Variants in MAPRE2 observed in about 807,000 individuals in gnomAD.
The protein encoded by MAPRE2 is microtubule-associated protein RP/EB family member 2.
Under a neutral mutation model 43.2 loss-of-function variants are expected in MAPRE2, and 13 were observed. The observed-to-expected ratio is 0.30, with a 90% confidence interval of 0.20 to 0.48. The LOEUF is 0.48. Among genes scored for constraint, MAPRE2 ranks in the 20% least tolerant of loss-of-function variants. The probability of loss-of-function intolerance (pLI) is 0.99; values close to 1 mark genes in which losing one functional copy is unlikely to be tolerated. For missense variants in MAPRE2, 161 were observed against 400.2 expected, an observed-to-expected ratio of 0.40 and a Z score of 5.10; for synonymous variants, 135 against 148.8, an observed-to-expected ratio of 0.91 and a Z score of 0.68.
intron 4 of MAPRE2, among the ~76,000 whole-genome samples, chr18:35,122,887 A>T (rs1479925978): frequency 6.6e-6 from 1 of 152,242 alleles, no homozygotes; most frequent in Non-Finnish European, 1.5e-5. Context: ...CAAGCCACAC[A>T]GGCAGGTTGA....
At chr18:35,046,419 G>C (rs944478359) in intron 1 of MAPRE2, among the ~76,000 whole-genome samples, 2 of 152,216 alleles carry the variant, frequency 1.3e-5, no homozygotes, top group African/African-American at 4.8e-5. Flanking sequence ...TGTGCTGTAG[G>C]AAGCTAAAAG....
intron 2 of MAPRE2, among the ~76,000 whole-genome samples, chr18:35,036,407 A>C (rs2097050621): frequency 1.3e-5 from 2 of 152,058 alleles, no homozygotes. Flanking sequence ...TGTCACCGTA[A>C]ATTTCCCTTC....
intron 1 of MAPRE2, among the ~76,000 whole-genome samples, chr18:35,053,418 A>G (rs913109890): frequency 1.3e-5 from 2 of 152,110 alleles, no homozygotes; most frequent in African/African-American, 4.8e-5. Context: ...AAAAATAAAA[A>G]AACAGTATTT....
intron 5 of MAPRE2, 92 bp downstream of exon 5, chr18:35,127,179 G>A: frequency 1.6e-6 from 2 of 1,281,692 alleles, no homozygotes; most frequent in Admixed American, 4.3e-5. Context: ...GTAAGGGAGG[G>A]AAGGGTAAGG....
At chr18:35,074,508 C>A (rs1313485935) in intron 2 of MAPRE2, among the ~76,000 whole-genome samples, 2 of 152,124 alleles carry the variant, frequency 1.3e-5, no homozygotes, top group Admixed American at 6.5e-5. Flanking sequence ...GAAAGTACAT[C>A]TTTTCCTTGA....
Position 35,076,720 on chromosome 18 carries a change from G to A in MAPRE2, c.250+6398G>A, listed in dbSNP as rs552725243. 2.0e-5 allele frequency among the ~76,000 whole-genome samples: 3 copies of A among 152,332 alleles called. 1 individual carries two copies. In the South Asian group the frequency reaches 6.2e-4, roughly 32 times the overall value. ...TTTTCTTGATGATCTCATCACATGAGTATGTGAGAATTGTTATTACTCTAC... is the reference window on the plus strand; with the variant it reads ...TTTTCTTGATGATCTCATCACATGAATATGTGAGAATTGTTATTACTCTAC... On this transcript the variant is annotated intron_variant, in intron 2 of 6. Coordinates refer to ENST00000300249, the MANE Select transcript of MAPRE2 (RefSeq NM_014268.4).
At chr18:35,110,764 A>G (rs1569007679) in intron 4 of MAPRE2, among the ~76,000 whole-genome samples, 1 of 152,146 alleles carries the variant, frequency 6.6e-6, no homozygotes, top group Non-Finnish European at 1.5e-5. Flanking sequence ...TTTTGCCTGT[A>G]AGCACTTTAA....
rs759634302 is a variant in MAPRE2 at position 35,052,390 on chromosome 18, C to T, written c.122+10729C>T. ...TTTAAGATTCATCCATATGGGATGT[C>T]TCAGTAGTTCATCACTCTTTATTGC... On this transcript the variant is annotated intron_variant, in intron 1 of 6. Coordinates refer to ENST00000300249, the MANE Select transcript of MAPRE2 (RefSeq NM_014268.4). Among the ~76,000 whole-genome samples the T allele has an allele frequency of 1.2e-4, 18 of 152,302 alleles. 1 individual carries two copies. Among genetic ancestry groups the T allele is most frequent in the South Asian group, 8.3e-4 (4 of 4,828 alleles).
intron 2 of MAPRE2, among the ~76,000 whole-genome samples, chr18:35,016,540 T>C (rs563544587): frequency 6.6e-6 from 1 of 152,282 alleles, no homozygotes; most frequent in South Asian, 2.1e-4. Context: ...GGTTTTGATT[T>C]GCATTTCTCT....
intron 1 of MAPRE2, among the ~76,000 whole-genome samples, chr18:34,989,924 C>A (rs1008469257): frequency 4.6e-5 from 7 of 152,156 alleles, no homozygotes; most frequent in Non-Finnish European, 5.9e-5. Context: ...TAACCATGGT[C>A]TCCACCCATC....
At chr18:34,977,766 C>G (rs144369620) in intron 1 of MAPRE2, among the ~76,000 whole-genome samples, 1 of 152,142 alleles carries the variant, frequency 6.6e-6, no homozygotes, top group African/African-American at 2.4e-5. Flanking sequence ...GCCCCGGGAG[C>G]GCAGGGCGAG....
intron 2 of MAPRE2, among the ~76,000 whole-genome samples, chr18:35,075,374 C>G (rs1907298998): frequency 6.6e-6 from 1 of 152,308 alleles, no homozygotes; most frequent in South Asian, 2.1e-4. Context: ...TGTGCCTCCT[C>G]TCTTCCATCC....
chr18:35,007,491 C>T (rs538991216), intron 2 of MAPRE2, among the ~76,000 whole-genome samples: 31 of 152,214 alleles, frequency 2.0e-4, no homozygotes, highest in Non-Finnish European at 4.3e-4. Flanking sequence ...AAGTCTCAGT[C>T]TAAACTGTTC....
chr18:34,978,455 G>T (rs975280968), intron 1 of MAPRE2: 11 of 1,478,740 alleles, frequency 7.4e-6, no homozygotes, highest in Non-Finnish European at 9.3e-6. Context: ...GTGGTCAGAC[G>T]CAGCACCTAC....
At chr18:35,098,011 A>G (rs1480474533) in intron 3 of MAPRE2, among the ~76,000 whole-genome samples, 1 of 152,210 alleles carries the variant, frequency 6.6e-6, no homozygotes, top group Non-Finnish European at 1.5e-5. Flanking sequence ...CAGTTTACCC[A>G]TCTGTACAAT....
intron 4 of MAPRE2, among the ~76,000 whole-genome samples, chr18:35,113,393 C>T (rs572581496): frequency 6.6e-6 from 1 of 152,236 alleles, no homozygotes; most frequent in African/African-American, 2.4e-5. Flanking sequence ...GCATTTTTGA[C>T]AGATGATTTA....
intron 1 of MAPRE2, among the ~76,000 whole-genome samples, chr18:35,067,568 AT>A (rs796662412): frequency 1.3e-5 from 2 of 151,858 alleles, no homozygotes; most frequent in African/African-American, 2.4e-5. Context: ...TTGCATTTAG[AT>A]TTTTTTTAAA....
chr18:35,137,575 A>G (rs1910443833), intron 6 of MAPRE2, among the ~76,000 whole-genome samples: 1 of 152,254 alleles, frequency 6.6e-6, no homozygotes, highest in South Asian at 2.1e-4. Context: ...ACATGCACAG[A>G]AACAATTATA....
Position 35,009,284 on chromosome 18 carries a change from A to G in MAPRE2, c.-8+3731A>G, listed in dbSNP as rs77114910. ...GATGGTGAGATTAGCTATTCATTCCATAAACATGTATTGATCACCAACTCT... is the reference window on the plus strand; with the variant it reads ...GATGGTGAGATTAGCTATTCATTCCGTAAACATGTATTGATCACCAACTCT... On this transcript the variant is annotated intron_variant, in intron 2 of 7. Coordinates refer to the MAPRE2 transcript ENST00000413393. Among the ~76,000 whole-genome samples the G allele has an allele frequency of 2.2e-4, 33 of 152,280 alleles. No homozygotes were observed. The East Asian group carries it at 5.8e-3, about 27-fold the overall frequency.
Sources: gnomAD v4.1 joint callset for allele counts (sites outside exome capture counted in the v4.1 genomes callset) on GRCh38, gnomAD v4.1.1 for gene constraint, MANE v1.5 for transcripts, NCBI Gene and HGNC (gene_info 2026-07-23, HGNC 2026-07-21) for gene names.